Variants in AMBRA1 observed in about 807,000 individuals in gnomAD.
The protein encoded by AMBRA1 is activating molecule in BECN1-regulated autophagy protein 1.
In AMBRA1, 47 loss-of-function variants were observed where a neutral mutation model predicts 125.4. The ratio of observed to expected loss-of-function variants is 0.37; its 90% CI spans 0.30 to 0.48. AMBRA1 has a LOEUF of 0.48. Among genes scored for constraint, AMBRA1 ranks in the 20% least tolerant of loss-of-function variants. The probability of loss-of-function intolerance (pLI) is 0.99; values close to 1 mark genes in which losing one functional copy is unlikely to be tolerated. For synonymous variants in AMBRA1, 626 were observed against 655.5 expected (o/e 0.95, Z 0.69); for missense variants, 1,331 against 1,693.4 (o/e 0.79, Z 3.76).
At chr11:46,498,076 T>C (rs1950703665) in intron 9 of AMBRA1, among the ~76,000 whole-genome samples, 2 of 152,148 alleles carry the variant, frequency 1.3e-5, no homozygotes, top group African/African-American at 2.4e-5. Context: ...CTCTATGAGA[T>C]AGAAGGAGAC....
intron 7 of AMBRA1, among the ~76,000 whole-genome samples, chr11:46,522,311 G>A (rs888370949): frequency 6.6e-6 from 1 of 152,186 alleles, no homozygotes; most frequent in Non-Finnish European, 1.5e-5. Flanking sequence ...CACTATAGTT[G>A]TAAGACTTGA....
At chr11:46,518,636 C>T (rs1951627421) in intron 7 of AMBRA1, among the ~76,000 whole-genome samples, 1 of 152,072 alleles carries the variant, frequency 6.6e-6, no homozygotes, top group Non-Finnish European at 1.5e-5. Context: ...TACCTACTGC[C>T]TAGCCCTTTA....
chr11:46,426,025 T>C (rs1947114383), intron 14 of AMBRA1, among the ~76,000 whole-genome samples: 3 of 148,572 alleles, frequency 2.0e-5, no homozygotes, highest in South Asian at 2.1e-4. Context: ...CGGGCTCCTG[T>C]AGTCCCAGCT....
chr11:46,523,756 A>C (rs1007153124), intron 7 of AMBRA1, among the ~76,000 whole-genome samples: 5 of 152,238 alleles, frequency 3.3e-5, no homozygotes, highest in African/African-American at 1.2e-4. Flanking sequence ...GGAGAGAAGC[A>C]ATGAGAGAAA....
At chr11:46,589,373 G>GCTCTGAGTTTA (rs2044511663) in intron 1 of AMBRA1, among the ~76,000 whole-genome samples, 1 of 152,114 alleles carries the variant, frequency 6.6e-6, no homozygotes, top group Admixed American at 6.6e-5. Flanking sequence ...CAGAAATTAA[G>GCTCTGAGTTTA]ACACTGAAAG....
At chr11:46,568,967 C>A (rs534503294) in intron 1 of AMBRA1, among the ~76,000 whole-genome samples, 1 of 151,598 alleles carries the variant, frequency 6.6e-6, no homozygotes, top group Non-Finnish European at 1.5e-5. Flanking sequence ...CGACCAAGAC[C>A]AGCTAATTTT....
chr11:46,472,333 A>C (rs373169093), intron 11 of AMBRA1, among the ~76,000 whole-genome samples: 1 of 152,204 alleles, frequency 6.6e-6, no homozygotes, highest in Non-Finnish European at 1.5e-5. Context: ...GGAACATCTA[A>C]AGTTGGCAGT....
At chr11:46,462,214 G>A (rs926527978) in intron 11 of AMBRA1, among the ~76,000 whole-genome samples, 1 of 152,194 alleles carries the variant, frequency 6.6e-6, no homozygotes, top group African/African-American at 2.4e-5. Flanking sequence ...GTAAACAAGT[G>A]AGCACGGCGG....
intron 1 of AMBRA1, among the ~76,000 whole-genome samples, chr11:46,561,816 G>C (rs1489822979): frequency 6.6e-6 from 1 of 152,172 alleles, no homozygotes; most frequent in Non-Finnish European, 1.5e-5. Context: ...CCAATCAAAA[G>C]AAGGCATTAG....
At chr11:46,521,550 T>C (rs1951762172) in intron 7 of AMBRA1, among the ~76,000 whole-genome samples, 1 of 152,280 alleles carries the variant, frequency 6.6e-6, no homozygotes, top group African/African-American at 2.4e-5. Flanking sequence ...GGCTGGGAGA[T>C]GACAAGCCCT....
At chr11:46,462,911 G>A (rs1949157639) in intron 11 of AMBRA1, among the ~76,000 whole-genome samples, 2 of 152,002 alleles carry the variant, frequency 1.3e-5, no homozygotes, top group South Asian at 4.2e-4. Flanking sequence ...GCACCACCAT[G>A]TCTGGCTAAT....
chr11:46,481,387 A>G (rs1308912830), intron 11 of AMBRA1, among the ~76,000 whole-genome samples: 2 of 151,842 alleles, frequency 1.3e-5, no homozygotes, highest in East Asian at 1.9e-4. Flanking sequence ...TGAACACACT[A>G]TTTTTGTTTT....
intron 17 of AMBRA1, among the ~76,000 whole-genome samples, chr11:46,404,332 T>C (rs1186519105): frequency 6.6e-6 from 1 of 152,194 alleles, no homozygotes; most frequent in Non-Finnish European, 1.5e-5. Flanking sequence ...TCTGGTTTTG[T>C]CAATACAAAA....
chr11:46,416,943 T>A (rs1386743156), intron 15 of AMBRA1, among the ~76,000 whole-genome samples: 1 of 152,004 alleles, frequency 6.6e-6, no homozygotes, highest in South Asian at 2.1e-4. Context: ...AACTCTGACC[T>A]CCATAAAGCC....
In AMBRA1 at chr11:46,542,714, T is replaced by C. The variant is rs763376025; in HGVS notation, c.1303A>G (p.Met435Val). ...SLNSRSEAESMPPPRTSASSV... is the reference protein window; with the variant it reads ...SLNSRSEAESVPPPRTSASSV... ...GAGGCACTGGTTCTGGGCGGGGGCA[T>C]GGATTCCGCCTCAGAGCGGGAGTTC... Residue 435 changes from methionine to valine, a missense_variant, in exon 7 of 18, where the codon ATG (methionine) becomes GTG (valine). Met to Val is a conservative substitution (Grantham distance 21). Coordinates refer to ENST00000683756, the MANE Select transcript of AMBRA1 (RefSeq NM_001387011.1). This position sits in a 1 kb window ranked among gnomAD's most constrained non-coding sequence, Gnocchi z 5.9. 14 of 1,613,852 alleles carry C rather than the reference T, an allele frequency of 8.7e-6. No individual in the cohort carries two copies. In the South Asian group the frequency reaches 1.3e-4, roughly 15 times the overall value.
intron 11 of AMBRA1, among the ~76,000 whole-genome samples, chr11:46,462,409 C>A (rs1464556628): frequency 1.3e-5 from 2 of 152,202 alleles, no homozygotes; most frequent in South Asian, 2.1e-4. Flanking sequence ...ACTCTCCTCA[C>A]GTCTGTCTTC....
intron 1 of AMBRA1, among the ~76,000 whole-genome samples, chr11:46,570,171 A>G (rs2043703888): frequency 6.6e-6 from 1 of 150,782 alleles, no homozygotes; most frequent in Non-Finnish European, 1.5e-5. Flanking sequence ...CTGAGGCAGA[A>G]GAATCGCTTG....
At chr11:46,445,492 A>G (rs889738837) in intron 11 of AMBRA1, among the ~76,000 whole-genome samples, 16 of 152,154 alleles carry the variant, frequency 1.1e-4, no homozygotes, top group Non-Finnish European at 1.9e-4. Flanking sequence ...TAATAATTAT[A>G]TCTGACTTTT....
chr11:46,473,351 T>C (rs1440324747), intron 11 of AMBRA1, among the ~76,000 whole-genome samples: 2 of 152,226 alleles, frequency 1.3e-5, no homozygotes, highest in African/African-American at 4.8e-5. Flanking sequence ...CCTGTGTACA[T>C]CTGGTTTGAG....
Sources: allele counts gnomAD v4.1 joint callset (sites outside exome capture counted in the v4.1 genomes callset), GRCh38; gene constraint gnomAD v4.1.1; non-coding constraint Gnocchi (gnomAD v3.1); transcripts MANE v1.5; gene names NCBI Gene and HGNC (gene_info 2026-07-23, HGNC 2026-07-21).